The following CHN1 variants were observed in gnomAD, a reference collection of about 807,000 sequenced individuals.
CHN1 encodes N-chimaerin.
In CHN1, 37 loss-of-function variants were observed where a neutral mutation model predicts 59.5. The ratio of observed to expected loss-of-function variants is 0.62; its 90% CI spans 0.48 to 0.82. The LOEUF (loss-of-function observed/expected upper bound fraction) is 0.82, where lower values mean the gene tolerates loss of function less well. CHN1 is among the 40% of genes least tolerant of loss of function. The pLI is 0.00. For missense variants in CHN1, 469 were observed against 571.0 expected (o/e 0.82, Z 1.82); for synonymous variants, 206 against 200.4 (o/e 1.03, Z -0.24).
rs893119819 is a variant in CHN1 at position 174,799,672 on chromosome 2, T to C, written c.*444A>G. The C allele has an allele frequency of 9.4e-6, 5 of 533,562 alleles. No homozygotes were observed. The highest frequency in any genetic ancestry group is 1.8e-5 in the Non-Finnish European group (5 of 275,910). The allele number at this position is 533,562 out of a possible 1,614,324, so 33.1% of individuals were successfully genotyped here. On this transcript the variant is annotated 3_prime_UTR_variant, in exon 13 of 13. Coordinates refer to ENST00000409900, the MANE Select transcript of CHN1 (RefSeq NM_001822.7). ...ATGGTAATGTAACAGCCAGAGGTGCTGTTTTATCCATTTGTGTGTGCGTGT... is the reference window on the plus strand; with the variant it reads ...ATGGTAATGTAACAGCCAGAGGTGCCGTTTTATCCATTTGTGTGTGCGTGT...
At chr2:174,852,054 A>C (rs546282036) in intron 6 of CHN1, among the ~76,000 whole-genome samples, 2 of 152,036 alleles carry the variant, frequency 1.3e-5, no homozygotes, top group Non-Finnish European at 2.9e-5. Flanking sequence ...AGGTGGGAGG[A>C]TCACTTGAGG....
chr2:174,929,332 C>T (rs1453389191), intron 3 of CHN1, among the ~76,000 whole-genome samples: 1 of 152,158 alleles, frequency 6.6e-6, no homozygotes, highest in African/African-American at 2.4e-5. Flanking sequence ...AGTCCCAGCC[C>T]TTTGGGAGGC....
chr2:174,862,620 T>G (rs1216492156), intron 6 of CHN1, among the ~76,000 whole-genome samples: 1 of 152,172 alleles, frequency 6.6e-6, no homozygotes, highest in Non-Finnish European at 1.5e-5. Context: ...CGTGAGCCAC[T>G]GCGCCTGGCC....
intron 11 of CHN1, among the ~76,000 whole-genome samples, chr2:174,805,230 C>A (rs1684849899): frequency 6.6e-6 from 1 of 152,196 alleles, no homozygotes. Context: ...CATCTGTCCA[C>A]CAGTGGACTG....
At chr2:174,972,069 T>C (rs1690775927) in intron 1 of CHN1, among the ~76,000 whole-genome samples, 1 of 152,192 alleles carries the variant, frequency 6.6e-6, no homozygotes, top group South Asian at 2.1e-4. Flanking sequence ...CCCTGAGGTA[T>C]CTGGCTTCAA....
chr2:174,930,656 T>A (rs1229570062), intron 3 of CHN1, among the ~76,000 whole-genome samples: 2 of 152,122 alleles, frequency 1.3e-5, no homozygotes, highest in African/African-American at 4.8e-5. Flanking sequence ...GAGGTAGGAA[T>A]TAGAAACTGT....
At chr2:174,811,394 G>T (rs1685068273) in intron 10 of CHN1, 117 bp downstream of exon 10, 1 of 605,892 alleles carries the variant, frequency 1.7e-6, no homozygotes. Context: ...TTTTTAATTT[G>T]GTATAATAAT....
intron 5 of CHN1, among the ~76,000 whole-genome samples, chr2:174,905,964 T>C (rs879295136): frequency 1.3e-5 from 2 of 152,174 alleles, no homozygotes; most frequent in Admixed American, 6.5e-5. Flanking sequence ...CAAAGAGATA[T>C]AACAAGTGTT....
intron 5 of CHN1, among the ~76,000 whole-genome samples, chr2:174,900,978 G>A (rs1205896736): frequency 6.6e-6 from 1 of 152,050 alleles, no homozygotes; most frequent in Non-Finnish European, 1.5e-5. Context: ...AAGCTTGCAT[G>A]GTAAATATAA....
Position 174,808,902 on chromosome 2 carries a change from T to C in CHN1, c.1102+3A>G. ...TATTTGAAATACATGCATTCATACT[T>C]ACTGGCAGATTCTATAAACTTAGGG... On this transcript the variant is annotated splice_donor_region_variant and intron_variant, in intron 11 of 12. Coordinates refer to ENST00000409900, the MANE Select transcript of CHN1 (RefSeq NM_001822.7). 1.2e-6 allele frequency: 2 copies of C among 1,613,698 alleles called. No individual in the cohort carries two copies. Among genetic ancestry groups the C allele is most frequent in the Non-Finnish European group, 1.7e-6 (2 of 1,179,708 alleles).
chr2:174,970,547 A>T (rs1690727298), intron 1 of CHN1, among the ~76,000 whole-genome samples: 1 of 152,244 alleles, frequency 6.6e-6, no homozygotes, highest in Admixed American at 6.5e-5. Context: ...CGATGGTGAT[A>T]TTAAAGAACA....
intron 5 of CHN1, among the ~76,000 whole-genome samples, chr2:174,898,237 C>G (rs1205022873): frequency 6.6e-6 from 1 of 152,120 alleles, no homozygotes; most frequent in Non-Finnish European, 1.5e-5. Context: ...TGTGGAGAGC[C>G]ACACCAGCCT....
chr2:174,870,445 T>G (rs1355949628), intron 6 of CHN1, among the ~76,000 whole-genome samples: 1 of 152,154 alleles, frequency 6.6e-6, no homozygotes, highest in East Asian at 1.9e-4. Context: ...TTTTCCAATC[T>G]CTGAGAGGTG....
chr2:174,963,833 A>G (rs1417687320), intron 1 of CHN1, among the ~76,000 whole-genome samples: 2 of 152,192 alleles, frequency 1.3e-5, no homozygotes, highest in Non-Finnish European at 2.9e-5. Flanking sequence ...GACTCACAAG[A>G]GCACAAAGTA....
chr2:174,856,335 T>C (rs893820872), intron 6 of CHN1, among the ~76,000 whole-genome samples: 2 of 152,142 alleles, frequency 1.3e-5, no homozygotes, highest in African/African-American at 4.8e-5. Context: ...ATTAACATAA[T>C]ATCCATCTAA....
intron 7 of CHN1, among the ~76,000 whole-genome samples, chr2:174,839,509 A>C (rs994968953): frequency 2.5e-4 from 38 of 152,306 alleles, no homozygotes; most frequent in Middle Eastern, 3.4e-3. Context: ...TGTTCAATGC[A>C]TATAAAGTTT....
At chr2:174,961,269 A>G (rs1399700683) in intron 1 of CHN1, among the ~76,000 whole-genome samples, 1 of 151,774 alleles carries the variant, frequency 6.6e-6, no homozygotes, top group Non-Finnish European at 1.5e-5. Context: ...AACTTGAATC[A>G]TATTTTTTTG....
intron 3 of CHN1, among the ~76,000 whole-genome samples, chr2:174,934,445 T>A (rs1015385989): frequency 1.3e-5 from 2 of 152,194 alleles, no homozygotes; most frequent in Non-Finnish European, 2.9e-5. Flanking sequence ...TAAACACAGA[T>A]GAAGCTTCAC....
chr2:174,961,963 T>C (rs1690423908), intron 1 of CHN1, among the ~76,000 whole-genome samples: 1 of 152,114 alleles, frequency 6.6e-6, no homozygotes, highest in African/African-American at 2.4e-5. Context: ...TTGGCATATC[T>C]AGGATATGGG....
Sources: allele counts gnomAD v4.1 joint callset (sites outside exome capture counted in the v4.1 genomes callset), GRCh38; gene constraint gnomAD v4.1.1; transcripts MANE v1.5; gene names NCBI Gene and HGNC (gene_info 2026-07-23, HGNC 2026-07-21).